HERC4: variants seen among roughly 807,000 people sequenced by gnomAD.
HERC4 encodes probable E3 ubiquitin-protein ligase HERC4.
A neutral mutation model predicts 124.3 loss-of-function variants in HERC4; 28 were observed. That is an observed-to-expected ratio of 0.23 (90% CI 0.17 to 0.31). The LOEUF (loss-of-function observed/expected upper bound fraction) is 0.31, where lower values mean the gene tolerates loss of function less well. Among genes scored for constraint, HERC4 ranks in the 10% least tolerant of loss-of-function variants. The pLI, the probability that HERC4 is intolerant of heterozygous loss-of-function variation, is 1.00. For synonymous variants in HERC4, 407 were observed against 421.5 expected (o/e 0.97, Z 0.42); for missense variants, 713 against 1,229.3 (o/e 0.58, Z 6.28).
intron 7 of HERC4, among the ~76,000 whole-genome samples, chr10:68,029,499 AAAGAAAAAGAATGCAATTT>A (rs1360172675): frequency 1.2e-4 from 18 of 151,978 alleles, no homozygotes; most frequent in Non-Finnish European, 2.9e-5. Context: ...CTCAAAAAAA[AAAGAAAAAGAATGCAATTT>A]AAGATTTCTT....
intron 19 of HERC4, among the ~76,000 whole-genome samples, chr10:67,952,858 C>T (rs1045431394): frequency 6.6e-6 from 1 of 151,608 alleles, no homozygotes; most frequent in Non-Finnish European, 1.5e-5. Flanking sequence ...CGAGAGTGCG[C>T]CACTGTACTC....
At chr10:68,027,751 C>T (rs1326263666) in intron 7 of HERC4, among the ~76,000 whole-genome samples, 2 of 151,810 alleles carry the variant, frequency 1.3e-5, no homozygotes, top group Non-Finnish European at 2.9e-5. Context: ...GCTGACACTT[C>T]GTCTCTACTA....
intron 8 of HERC4, among the ~76,000 whole-genome samples, chr10:68,020,285 G>C (rs2038530819): frequency 6.6e-6 from 1 of 151,980 alleles, no homozygotes; most frequent in African/African-American, 2.4e-5. Context: ...AGTAGGAAAG[G>C]GTGGCCCATT....
intron 9 of HERC4, among the ~76,000 whole-genome samples, chr10:67,999,841 T>G (rs1047321269): frequency 6.6e-6 from 1 of 152,228 alleles, no homozygotes; most frequent in Admixed American, 6.5e-5. Context: ...TGATTCTCAC[T>G]GATGCCCAGA....
intron 15 of HERC4, among the ~76,000 whole-genome samples, chr10:67,975,604 C>T (rs2035538727): frequency 6.6e-6 from 1 of 152,166 alleles, no homozygotes; most frequent in South Asian, 2.1e-4. Context: ...CCCACCTCGG[C>T]CTCCCAAAGT....
intron 6 of HERC4, among the ~76,000 whole-genome samples, chr10:68,033,216 A>G (rs939514198): frequency 6.6e-6 from 1 of 152,180 alleles, no homozygotes; most frequent in Non-Finnish European, 1.5e-5. Context: ...AGCCTACTTA[A>G]AAGCCTGGAA....
intron 9 of HERC4, among the ~76,000 whole-genome samples, chr10:67,997,083 A>G (rs963525581): frequency 3.9e-5 from 6 of 152,202 alleles, no homozygotes; most frequent in African/African-American, 1.4e-4. Context: ...TTGTTGCAGA[A>G]TATTAAAGAG....
rs796637048 is a variant in HERC4, at chr10:68,059,552, AAT to A, written c.226+13329_226+13330del. Among the ~76,000 whole-genome samples, 740 of 104,332 alleles carry A rather than the reference AAT, an allele frequency of 7.1e-3. 106 individuals carry two copies. In the East Asian group the frequency reaches 0.12, roughly 17 times the overall value. The allele number at this position is 104,332 out of a possible 152,430, so 68.4% of individuals were successfully genotyped here. ...TATTATATATCATATTATATATCAT[AAT>A]ATATATCATAATATTATATATCATA... On this transcript the variant is annotated intron_variant, in intron 3 of 24. Transcript: ENST00000373700.
intron 19 of HERC4, among the ~76,000 whole-genome samples, chr10:67,944,793 T>C (rs1261336983): frequency 6.6e-6 from 1 of 152,072 alleles, no homozygotes; most frequent in Non-Finnish European, 1.5e-5. Context: ...AGTTGAAAAA[T>C]GCAACTGACA....
intron 8 of HERC4, among the ~76,000 whole-genome samples, chr10:68,017,012 T>A (rs2038310514): frequency 6.6e-6 from 1 of 152,144 alleles, no homozygotes; most frequent in African/African-American, 2.4e-5. Flanking sequence ...AGCATGCATA[T>A]TCCCATCATA....
intron 8 of HERC4, among the ~76,000 whole-genome samples, chr10:68,020,014 G>T (rs186451889): frequency 3.9e-5 from 6 of 152,204 alleles, no homozygotes; most frequent in African/African-American, 1.4e-4. Flanking sequence ...TCTTTGGGGA[G>T]CCAGGCATTT....
chr10:68,023,128 T>C lies in HERC4; in HGVS notation c.908+2418A>G, dbSNP rs116351124. ...AGGGCAGTTACTATGAGAAACAGTA[T>C]GGCAGTTCCTACAAAAATTAAAAAC... On this transcript the variant is annotated intron_variant, in intron 8 of 24. Coordinates refer to ENST00000373700, the MANE Select transcript of HERC4 (RefSeq NM_015601.4). Among the ~76,000 whole-genome samples, 927 of 152,266 alleles carry C rather than the reference T, an allele frequency of 6.1e-3. 13 individuals are homozygous for C. The highest frequency in any genetic ancestry group is 0.021 in the African/African-American group (862 of 41,558).
At chr10:68,010,384 G>A (rs1455745366) in intron 9 of HERC4, 22 of 984,578 alleles carry the variant, frequency 2.2e-5, no homozygotes, top group African/African-American at 1.1e-4. Flanking sequence ...CCTGAGAAAG[G>A]AGACCCAGCA....
chr10:67,950,177 T>TAAC (rs1235816607), intron 19 of HERC4, among the ~76,000 whole-genome samples: 1 of 152,132 alleles, frequency 6.6e-6, no homozygotes, highest in Non-Finnish European at 1.5e-5. Flanking sequence ...AATCCACAGG[T>TAAC]AACATCCTAC....
intron 7 of HERC4, among the ~76,000 whole-genome samples, chr10:68,031,383 C>T (rs776113794): frequency 2.0e-5 from 3 of 151,960 alleles, no homozygotes; most frequent in Admixed American, 1.3e-4. Flanking sequence ...CGAAAAAGGA[C>T]GAGTAAAATT....
intron 19 of HERC4, among the ~76,000 whole-genome samples, chr10:67,945,631 T>A (rs2033262288): frequency 6.6e-6 from 1 of 151,724 alleles, no homozygotes. Flanking sequence ...TAAAAAATAA[T>A]AACTACAGCT....
intron 4 of HERC4, 22 bp from the exon 5 acceptor site, chr10:68,038,191 C>A (rs754584092): frequency 8.0e-7 from 1 of 1,252,814 alleles, no homozygotes; most frequent in Non-Finnish European, 1.1e-6. Flanking sequence ...GAAGACAGAT[C>A]AAGACCAGTT....
chr10:68,032,676 A>G (rs2039269109), intron 7 of HERC4, 102 bp downstream of exon 7: 1 of 645,418 alleles, frequency 1.5e-6, no homozygotes, highest in South Asian at 2.1e-5. Context: ...TTGAAATACC[A>G]ATAACACTCA....
chr10:67,949,870 C>T (rs2033670308), intron 19 of HERC4, among the ~76,000 whole-genome samples: 2 of 151,840 alleles, frequency 1.3e-5, no homozygotes, highest in African/African-American at 4.8e-5. Flanking sequence ...ATATAAAAAA[C>T]TAGCCAGGTA....
Sources: allele counts gnomAD v4.1 joint callset (sites outside exome capture counted in the v4.1 genomes callset), GRCh38; gene constraint gnomAD v4.1.1; transcripts MANE v1.5; gene names NCBI Gene and HGNC (gene_info 2026-07-23, HGNC 2026-07-21).